SLC28A1: variants seen among roughly 807,000 people sequenced by gnomAD.
The protein encoded by SLC28A1 is sodium/nucleoside cotransporter 1.
In SLC28A1, 64 loss-of-function variants were observed where a neutral mutation model predicts 74.8. The ratio of observed to expected loss-of-function variants is 0.86; its 90% confidence interval spans 0.70 to 1.05. The LOEUF (loss-of-function observed/expected upper bound fraction) is 1.05. SLC28A1 is among the 50% of genes least tolerant of loss of function. The pLI, the probability that SLC28A1 is intolerant of heterozygous loss-of-function variation, is 0.00. For missense variants in SLC28A1, 828 were observed against 822.8 expected, an observed-to-expected ratio of 1.01 and a Z score of -0.08; for synonymous variants, 359 against 335.0, an observed-to-expected ratio of 1.07 and a Z score of -0.78.
intron 5 of SLC28A1, 111 bp from the exon 6 acceptor site, chr15:84,894,829 T>G: frequency 9.2e-7 from 1 of 1,090,804 alleles, no homozygotes. Flanking sequence ...TTGGGTGACT[T>G]TCCTGCCCTC....
At chr15:84,964,420 A>G in the SLC28A1 span, among the ~76,000 whole-genome samples, 90 of 152,298 alleles carry the variant, frequency 5.9e-4, 2 homozygotes, top group South Asian at 0.015. Context: ...CTGCACAGAG[A>G]TCACCTATTC....
chr15:84,934,014 AACCC>A (rs1971605428), intron 13 of SLC28A1, among the ~76,000 whole-genome samples: 1 of 152,130 alleles, frequency 6.6e-6, no homozygotes, highest in Non-Finnish European at 1.5e-5. Context: ...CTCCCATGAT[AACCC>A]ATTATCCCAT....
chr15:84,933,585 C>A (rs777937249), intron 13 of SLC28A1, among the ~76,000 whole-genome samples: 4 of 152,022 alleles, frequency 2.6e-5, no homozygotes, highest in Admixed American at 6.6e-5. Context: ...CTGCAGAGTC[C>A]CAAGTTGGCA....
At chr15:84,914,480 C>T (rs1180950075) in intron 9 of SLC28A1, among the ~76,000 whole-genome samples, 1 of 152,228 alleles carries the variant, frequency 6.6e-6, no homozygotes, top group Middle Eastern at 3.2e-3. Flanking sequence ...AGGACCTTGG[C>T]AATCTGCATG....
chr15:84,912,807 C>T (rs1426265558), intron 9 of SLC28A1, among the ~76,000 whole-genome samples: 5 of 9,076 alleles, frequency 5.5e-4, no homozygotes, highest in African/African-American at 1.2e-3. Flanking sequence ...TGCGCGCGCG[C>T]ACACACACAC....
intron 10 of SLC28A1, among the ~76,000 whole-genome samples, 178 bp from the exon 11 acceptor site, chr15:84,920,811 C>T (rs1216799167): frequency 6.6e-6 from 1 of 151,946 alleles, no homozygotes; most frequent in African/African-American, 2.4e-5. Flanking sequence ...GGGGTAAGCC[C>T]CCATCAATGA....
At position 84,945,248 on chromosome 15, in the gene SLC28A1, C is replaced by G. The variant is rs377748574; in HGVS notation, c.*48C>G. 1.9e-6 allele frequency: 3 copies of G among 1,554,168 alleles called. No individual in the cohort carries two copies. Among genetic ancestry groups the G allele is most frequent in the African/African-American group, 2.7e-5 (2 of 73,694 alleles). On this transcript the variant is annotated 3_prime_UTR_variant, in exon 19 of 19. Coordinates refer to ENST00000394573, the MANE Select transcript of SLC28A1 (RefSeq NM_004213.5). The stretch of plus-strand genomic sequence containing the variant: ...TGCGCTTCTGAGGGCTGTTCTCCCC[C>G]GGGAACCATCTGTCCCCACCTTCCC...
intron 5 of SLC28A1, among the ~76,000 whole-genome samples, chr15:84,891,190 G>A (rs1255539685): frequency 2.0e-5 from 3 of 152,206 alleles, no homozygotes; most frequent in East Asian, 3.8e-4. Flanking sequence ...AAGGAGGGCA[G>A]GAAAGAGGGG....
chr15:84,895,378 G>T, intron 6 of SLC28A1: 1 of 1,614,020 alleles, frequency 6.2e-7, no homozygotes, highest in African/African-American at 1.3e-5. Flanking sequence ...CTCCATTCAG[G>T]GATCCCAGGC....
intron 15 of SLC28A1, among the ~76,000 whole-genome samples, chr15:84,935,831 C>T (rs770886395): frequency 2.0e-5 from 3 of 151,946 alleles, no homozygotes; most frequent in African/African-American, 4.8e-5. Context: ...TGTTGGAAAA[C>T]GGGGTGAGAT....
intron 5 of SLC28A1, among the ~76,000 whole-genome samples, chr15:84,891,865 G>T (rs1965408402): frequency 6.6e-6 from 1 of 152,168 alleles, no homozygotes; most frequent in South Asian, 2.1e-4. Flanking sequence ...TGGGGTGGGA[G>T]ACACTTTGTT....
chr15:84,953,627 C>T, the SLC28A1 span, among the ~76,000 whole-genome samples: 9 of 152,168 alleles, frequency 5.9e-5, no homozygotes, highest in Non-Finnish European at 7.3e-5. Context: ...GAGTCTGAGA[C>T]AGGAGGATTG....
intron 6 of SLC28A1, among the ~76,000 whole-genome samples, chr15:84,899,967 A>AAGGAAGGAAGGAAG (rs1567130013): frequency 5.5e-5 from 3 of 54,880 alleles, no homozygotes; most frequent in Non-Finnish European, 1.6e-4. Context: ...AAGGAAGGAA[A>AAGGAAGGAAGGAAG]GAAGGAAGGA....
chr15:84,947,482 T>C (rs1056889859), downstream of SLC28A1, among the ~76,000 whole-genome samples: 1 of 152,240 alleles, frequency 6.6e-6, no homozygotes, highest in African/African-American at 2.4e-5. Context: ...GCCACTTGAA[T>C]ATAGGGCTCA....
At chr15:84,943,786 A>C (rs1972985423) in intron 16 of SLC28A1, among the ~76,000 whole-genome samples, 1 of 152,024 alleles carries the variant, frequency 6.6e-6, no homozygotes, top group South Asian at 2.1e-4. Flanking sequence ...AAAATTAGCC[A>C]GGCGTGGTGG....
intron 5 of SLC28A1, among the ~76,000 whole-genome samples, chr15:84,890,919 C>T (rs1430400755): frequency 6.6e-6 from 1 of 152,158 alleles, no homozygotes. Flanking sequence ...ACAGAGGAGT[C>T]ACAGGAGCAA....
intron 8 of SLC28A1, among the ~76,000 whole-genome samples, chr15:84,906,579 TTC>T (rs1457224194): frequency 0.01 from 497 of 48,974 alleles, 31 homozygotes; most frequent in Admixed American, 0.077. Context: ...TCTTTCTTCC[TTC>T]CTTCCTTCCT....
chr15:84,942,900 A>T (rs1056805453), intron 15 of SLC28A1, among the ~76,000 whole-genome samples: 1 of 152,178 alleles, frequency 6.6e-6, no homozygotes. Context: ...AGGTTGAAGG[A>T]CAGGCTGGGT....
At chr15:84,970,367 T>C in the SLC28A1 span, among the ~76,000 whole-genome samples, 4 of 152,190 alleles carry the variant, frequency 2.6e-5, no homozygotes, top group Admixed American at 6.5e-5. Flanking sequence ...GACTAACCAA[T>C]CTCTCACATG....
Sources: allele counts gnomAD v4.1 joint callset (sites outside exome capture counted in the v4.1 genomes callset), GRCh38; gene constraint gnomAD v4.1.1; transcripts MANE v1.5; gene names NCBI Gene and HGNC (gene_info 2026-07-23, HGNC 2026-07-21).